Variants in PRDM16 observed in about 807,000 individuals in gnomAD.
PRDM16 encodes the protein PR/SET domain 16.
A neutral mutation model predicts 110.6 loss-of-function variants in PRDM16; 23 were observed. That is an observed-to-expected ratio of 0.21 (90% confidence interval 0.15 to 0.29). The LOEUF (loss-of-function observed/expected upper bound fraction) is 0.29. Among genes scored for constraint, PRDM16 ranks in the 10% least tolerant of loss-of-function variants. The pLI is 1.00. For missense variants in PRDM16, 1,615 were observed against 1,794.3 expected (o/e 0.90, Z 1.81); for synonymous variants, 799 against 781.8 (o/e 1.02, Z -0.37).
At chr1:3,168,562 C>T (rs1314041735) in intron 1 of PRDM16, among the ~76,000 whole-genome samples, 1 of 151,592 alleles carries the variant, frequency 6.6e-6, no homozygotes, top group South Asian at 2.1e-4. Flanking sequence ...CAAATGGACC[C>T]GCAGCTATTC....
At chr1:3,087,419 G>C (rs752265800) in intron 1 of PRDM16, among the ~76,000 whole-genome samples, 1 of 152,240 alleles carries the variant, frequency 6.6e-6, no homozygotes, top group Non-Finnish European at 1.5e-5. Flanking sequence ...AGTCCTGGAC[G>C]TCCCACTCTG....
intron 1 of PRDM16, among the ~76,000 whole-genome samples, chr1:3,088,875 C>T (rs958377141): frequency 6.6e-6 from 1 of 151,724 alleles, no homozygotes; most frequent in East Asian, 1.9e-4. Context: ...CTCTGCCTCC[C>T]GGGTTCAAGC....
intron 3 of PRDM16, among the ~76,000 whole-genome samples, chr1:3,335,779 C>T (rs1314428648): frequency 1.3e-5 from 2 of 152,202 alleles, no homozygotes; most frequent in East Asian, 3.9e-4. Flanking sequence ...CTCAGGAGTC[C>T]ACAGAGCCCA....
intron 1 of PRDM16, among the ~76,000 whole-genome samples, chr1:3,087,390 G>A (rs754035161): frequency 1.3e-5 from 2 of 152,224 alleles, no homozygotes; most frequent in African/African-American, 4.8e-5. Flanking sequence ...GCTGAGGAAC[G>A]CGAGAGCAGG....
intron 3 of PRDM16, among the ~76,000 whole-genome samples, chr1:3,273,896 C>T (rs929779104): frequency 1.6e-5 from 2 of 122,092 alleles, no homozygotes; most frequent in South Asian, 3.0e-4. Flanking sequence ...TGGGTAGGTG[C>T]GTGTGCACGT....
In PRDM16 at chr1:3,414,618, C is replaced by T. The variant is rs1208513057; in HGVS notation, c.2662C>T (p.Arg888Trp). 8.1e-6 allele frequency: 13 copies of T among 1,613,134 alleles called. No homozygotes were observed. Among genetic ancestry groups the T allele is most frequent in the Non-Finnish European group, 9.3e-6 (11 of 1,179,800 alleles). ...GGGAGCCCTGAAGGAGAAGTACCTG[C>T]GGCCGTCCCCGCTGCTCTTCCACCC... ...PVGALKEKYL[R>W]PSPLLFHPQM... The change falls in exon 10 of 17, where the codon CGG (arginine) becomes TGG (tryptophan). Residue 888 changes from arginine (R) to tryptophan (W), a missense_variant. Arg to Trp is a moderately radical substitution (Grantham distance 101). Around this residue, in one of 5 missense-constraint regions of PRDM16, gnomAD observed 772 missense variants for 748.3 expected, o/e 1.03. Transcript: ENST00000270722.
At chr1:3,306,061 C>G (rs1641306054) in intron 3 of PRDM16, among the ~76,000 whole-genome samples, 1 of 152,216 alleles carries the variant, frequency 6.6e-6, no homozygotes. Context: ...GACCACTTCC[C>G]TCCAGGTTGT....
At position 3,244,946 on chromosome 1, in the gene PRDM16, G is replaced by A. The variant is rs1018096891; in HGVS notation, c.438+809G>A. 6.7e-6 allele frequency among the ~76,000 whole-genome samples: 1 copy of A among 149,776 alleles called. No homozygotes were observed. Among genetic ancestry groups the A allele is most frequent in the South Asian group, 2.1e-4 (1 of 4,668 alleles). On this transcript the variant is annotated intron_variant, in intron 3 of 16. Coordinates refer to ENST00000270722, the MANE Select transcript of PRDM16 (RefSeq NM_022114.4). The surrounding 1 kb of genome is among the most constrained non-coding windows in gnomAD (Gnocchi z 4.1). ...CGTGGTGGCTGATCTCCTATTTTTTGGGGGGGGGTTTCTAGTAAAATTAAA... is the reference window on the plus strand; with the variant it reads ...CGTGGTGGCTGATCTCCTATTTTTTAGGGGGGGGTTTCTAGTAAAATTAAA...
intron 3 of PRDM16, among the ~76,000 whole-genome samples, chr1:3,251,959 A>G (rs2100221389): frequency 6.6e-6 from 1 of 152,324 alleles, no homozygotes; most frequent in South Asian, 2.1e-4. Context: ...TCTCTTCCAC[A>G]CAGCCACGCC....
chr1:3,151,355 C>T (rs1643772585), intron 1 of PRDM16, among the ~76,000 whole-genome samples: 2 of 152,224 alleles, frequency 1.3e-5, no homozygotes, highest in African/African-American at 4.8e-5. Context: ...GAACACCCTA[C>T]ACTCAGTTCC....
At chr1:3,279,691 G>A (rs577106476) in intron 3 of PRDM16, among the ~76,000 whole-genome samples, 2 of 152,372 alleles carry the variant, frequency 1.3e-5, no homozygotes, top group East Asian at 1.9e-4. Context: ...GCAGAGGGTC[G>A]GGGGAGTGGA....
At chr1:3,177,181 C>T (rs1644100488) in intron 1 of PRDM16, among the ~76,000 whole-genome samples, 1 of 152,118 alleles carries the variant, frequency 6.6e-6, no homozygotes, top group African/African-American at 2.4e-5. Flanking sequence ...ATCTATTCAC[C>T]CATCTATCAA....
chr1:3,280,013 C>T (rs1344621353), intron 3 of PRDM16, among the ~76,000 whole-genome samples: 3 of 151,376 alleles, frequency 2.0e-5, no homozygotes, highest in African/African-American at 7.3e-5. Context: ...TTTCCAATCA[C>T]GATAATGCCA....
chr1:3,181,232 G>GCA lies in PRDM16; in HGVS notation c.38-4893_38-4892insCA, dbSNP rs1216500199. The stretch of plus-strand genomic sequence containing the variant: ...GTCTTACACACGCAGTCTTACACAC[G>GCA]GTCTTACACACAGTCTTACACACGC... On this transcript the variant is annotated intron_variant, in intron 1 of 16. Coordinates refer to ENST00000270722, the MANE Select transcript of PRDM16 (RefSeq NM_022114.4). 3.1e-3 allele frequency among the ~76,000 whole-genome samples: 244 copies of GCA among 77,886 alleles called. 1 individual carries two copies. The highest frequency in any genetic ancestry group is 0.016 in the South Asian group (30 of 1,894). 51.1% of individuals were successfully genotyped at this position (77,886 alleles called of 152,430 possible). A position where few individuals can be genotyped will look rare whatever the true frequency, so the allele number is the denominator to read the frequency against.
rs113154804 is a variant in PRDM16, at chr1:3,076,700, T to A, written c.37+7404T>A. On this transcript the variant is annotated intron_variant, in intron 1 of 16. Coordinates refer to ENST00000270722, the MANE Select transcript of PRDM16 (RefSeq NM_022114.4). ...GGCCAGGGCTGCCTTTGCATGGGTGTGCGAGGAGAGGTTTTCCAGGCTTTA... is the reference window on the plus strand; with the variant it reads ...GGCCAGGGCTGCCTTTGCATGGGTGAGCGAGGAGAGGTTTTCCAGGCTTTA... Among the ~76,000 whole-genome samples the A allele has an allele frequency of 6.0e-3, 915 of 152,316 alleles. 10 individuals carry two copies. Among genetic ancestry groups the A allele is most frequent in the African/African-American group, 0.02 (849 of 41,568 alleles).
At chr1:3,158,732 C>T (rs2100736174) in intron 1 of PRDM16, among the ~76,000 whole-genome samples, 1 of 142,886 alleles carries the variant, frequency 7.0e-6, no homozygotes, top group South Asian at 2.3e-4. Flanking sequence ...TTCTTTCTTC[C>T]CTTTCTTCCC....
chr1:3,176,948 C>CCATT (rs1044722249), intron 1 of PRDM16, among the ~76,000 whole-genome samples: 1 of 152,016 alleles, frequency 6.6e-6, no homozygotes, highest in Admixed American at 6.6e-5. Flanking sequence ...ATTCACATAC[C>CCATT]CATTCATTCA....
rs1246461454 is a variant in PRDM16 at position 3,213,447 on chromosome 1, C to G, written c.387+26973C>G. 6.6e-6 allele frequency among the ~76,000 whole-genome samples: 1 copy of G among 152,154 alleles called. No individual in the cohort carries two copies. Among genetic ancestry groups the G allele is most frequent in the East Asian group, 1.9e-4 (1 of 5,178 alleles). ...ATAAAATTGGGAGGACTGTAATTTT[C>G]CACTTAGGCTTGTCACCAATCGGGC... is the stretch of plus-strand genomic sequence containing the variant. On this transcript the variant is annotated intron_variant, in intron 2 of 16. Coordinates refer to ENST00000270722, the MANE Select transcript of PRDM16 (RefSeq NM_022114.4). The surrounding 1 kb of genome is among the most constrained non-coding windows in gnomAD (Gnocchi z 5.3).
chr1:3,304,516 G>T (rs1369522557), intron 3 of PRDM16, among the ~76,000 whole-genome samples: 1 of 152,202 alleles, frequency 6.6e-6, no homozygotes, highest in Non-Finnish European at 1.5e-5. Context: ...GCCCTCAGCT[G>T]CCTGTCCACA....
Sources: allele counts gnomAD v4.1 joint callset (sites outside exome capture counted in the v4.1 genomes callset), GRCh38; gene constraint gnomAD v4.1.1; regional missense constraint gnomAD v4.1.1; non-coding constraint Gnocchi (gnomAD v3.1); transcripts MANE v1.5; gene names NCBI Gene and HGNC (gene_info 2026-07-23, HGNC 2026-07-21).